ANKFN1: variants seen among roughly 807,000 people sequenced by gnomAD.
ANKFN1 encodes ankyrin repeat and fibronectin type-III domain-containing protein 1.
A neutral mutation model predicts 108.7 loss-of-function variants in ANKFN1; 74 were observed. The observed-to-expected ratio is 0.68, with a 90% confidence interval of 0.56 to 0.83. ANKFN1 has a LOEUF of 0.83. Ranked by LOEUF, ANKFN1 falls within the 40% of genes least tolerant of loss-of-function variation. The pLI, the probability that ANKFN1 is intolerant of heterozygous loss-of-function variation, is 0.00. For synonymous variants in ANKFN1, 547 were observed against 516.2 expected (o/e 1.06, Z -0.81); for missense variants, 1,505 against 1,382.3 (o/e 1.09, Z -1.41).
At position 56,511,012 on chromosome 17, in the gene ANKFN1, AG is replaced by A; in HGVS notation, c.3188del (p.Gly1063AlafsTer2). ...KRAGPALDDP[R>X]GLTLAHAASL... Reference sequence around the variant, plus strand: ...GGCCGGCCCTGCCCTTGATGATCCCAGGGGCCTAACTCTGGCCCACGCTGCC... The same window carrying A: ...GGCCGGCCCTGCCCTTGATGATCCCAGGGCCTAACTCTGGCCCACGCTGCC... On this transcript the variant is annotated frameshift_variant, in exon 21 of 21. Transcript: ENST00000682825. LOFTEE classifies it low-confidence loss of function (END_TRUNC). The A allele has an allele frequency of 6.5e-7, 1 of 1,536,018 alleles. No individual in the cohort carries two copies. Among genetic ancestry groups the A allele is most frequent in the African/African-American group, 1.4e-5 (1 of 73,174 alleles).
At chr17:56,052,221 G>T (rs910515902) in intron 4 of ANKFN1, among the ~76,000 whole-genome samples, 3 of 152,106 alleles carry the variant, frequency 2.0e-5, no homozygotes, top group African/African-American at 7.2e-5. Flanking sequence ...CCAAAACAGA[G>T]ATATAGATAA....
At chr17:56,267,198 C>T (rs2043674556) in intron 3 of ANKFN1, among the ~76,000 whole-genome samples, 3 of 152,186 alleles carry the variant, frequency 2.0e-5, no homozygotes, top group Admixed American at 2.0e-4. Context: ...CCTCCAGCTG[C>T]ATGTGTGTTG....
At chr17:56,180,466 A>G (rs1468392270) in intron 1 of ANKFN1, among the ~76,000 whole-genome samples, 5 of 152,326 alleles carry the variant, frequency 3.3e-5, no homozygotes, top group African/African-American at 4.8e-5. Context: ...TCCACATAAC[A>G]TTCAACTAAG....
chr17:56,162,610 T>G (rs991232951), intron 1 of ANKFN1, among the ~76,000 whole-genome samples: 1 of 152,208 alleles, frequency 6.6e-6, no homozygotes, highest in East Asian at 1.9e-4. Context: ...TCTGAAGTAC[T>G]GGGGTGTGGA....
At chr17:56,316,977 T>A (rs2045226348) in intron 3 of ANKFN1, among the ~76,000 whole-genome samples, 1 of 152,186 alleles carries the variant, frequency 6.6e-6, no homozygotes, top group East Asian at 1.9e-4. Flanking sequence ...ACATTCCTGA[T>A]AAATAACACA....
chr17:56,109,962 C>T (rs1905866072), intron 4 of ANKFN1, among the ~76,000 whole-genome samples: 1 of 152,232 alleles, frequency 6.6e-6, no homozygotes, highest in Non-Finnish European at 1.5e-5. Flanking sequence ...ACAGCTCCTT[C>T]ATAGGGACAT....
At chr17:56,270,154 T>C (rs189759497) in intron 3 of ANKFN1, among the ~76,000 whole-genome samples, 110 of 152,242 alleles carry the variant, frequency 7.2e-4, no homozygotes, top group African/African-American at 2.6e-3. Flanking sequence ...GCAGGGCACT[T>C]AAAGAGCCTA....
At chr17:56,369,267 T>C (rs1471239832) in intron 6 of ANKFN1, among the ~76,000 whole-genome samples, 2 of 152,134 alleles carry the variant, frequency 1.3e-5, no homozygotes, top group Non-Finnish European at 2.9e-5. Context: ...TTCTGCAACA[T>C]CTTAAGATCC....
chr17:56,408,180 C>A (rs2047979205), intron 8 of ANKFN1, among the ~76,000 whole-genome samples: 1 of 152,024 alleles, frequency 6.6e-6, no homozygotes, highest in Admixed American at 6.6e-5. Flanking sequence ...GGGGATCTGC[C>A]CACCTCGGCC....
chr17:56,233,684 G>A (rs1005509381), intron 3 of ANKFN1, among the ~76,000 whole-genome samples: 1 of 151,786 alleles, frequency 6.6e-6, no homozygotes, highest in Non-Finnish European at 1.5e-5. Flanking sequence ...CTTCCAGGTG[G>A]CATGTGAAAA....
At chr17:56,346,955 G>A (rs778368408) in intron 4 of ANKFN1, among the ~76,000 whole-genome samples, 25 of 151,656 alleles carry the variant, frequency 1.6e-4, no homozygotes, top group Non-Finnish European at 3.1e-4. Context: ...CTGTGACTTT[G>A]GGCACCTTAT....
chr17:56,165,629 G>T (rs1191583530), intron 1 of ANKFN1, among the ~76,000 whole-genome samples: 2 of 152,032 alleles, frequency 1.3e-5, no homozygotes, highest in East Asian at 3.9e-4. Flanking sequence ...TAGACCAAAC[G>T]TTCAGATGTT....
intron 3 of ANKFN1, among the ~76,000 whole-genome samples, chr17:56,306,244 G>A (rs1037655476): frequency 1.3e-5 from 2 of 152,152 alleles, no homozygotes; most frequent in Non-Finnish European, 2.9e-5. Flanking sequence ...GCTAACTTGG[G>A]GAGAATGGAC....
intron 15 of ANKFN1, among the ~76,000 whole-genome samples, chr17:56,468,935 A>C (rs1425939503): frequency 6.6e-6 from 1 of 152,140 alleles, no homozygotes; most frequent in Non-Finnish European, 1.5e-5. Context: ...TAATAAATTG[A>C]GCTTTTACAG....
At chr17:56,399,919 A>G (rs1231037408) in intron 8 of ANKFN1, among the ~76,000 whole-genome samples, 1 of 145,916 alleles carries the variant, frequency 6.9e-6, no homozygotes, top group Non-Finnish European at 1.5e-5. Context: ...TATATATATT[A>G]TATATAGTGA....
Position 56,425,639 on chromosome 17 carries a change from G to A in ANKFN1, c.911-14688G>A, listed in dbSNP as rs138059547. On this transcript the variant is annotated intron_variant, in intron 8 of 20. Coordinates refer to ENST00000682825, the MANE Select transcript of ANKFN1 (RefSeq NM_001370326.1). ...AATTCCCCGACCACACCATGACTCC[G>A]TGCCTTTGCACACACAGCAACCTCT... Among the ~76,000 whole-genome samples the A allele has an allele frequency of 1.1e-3, 164 of 152,012 alleles. 4 individuals are homozygous for A. The highest frequency in any genetic ancestry group is 9.9e-3 in the East Asian group (51 of 5,166).
chr17:56,510,864 C>G lies in ANKFN1; in HGVS notation c.3036C>G (p.Ser1012Arg). Residue 1012 changes from serine (S) to arginine (R), a missense_variant, in exon 21 of 21, where the codon AGC becomes AGG. By Grantham distance (110) the Ser-to-Arg change is moderately radical. Transcript: ENST00000682825. ...AGCACCCCCACTATGGCGGCTTCAGCCGCCATCATCGCTGGTTGCGCATCC... is the reference window on the plus strand; with the variant it reads ...AGCACCCCCACTATGGCGGCTTCAGGCGCCATCATCGCTGGTTGCGCATCC... ...PGKHPHYGGF[S>R]RHHRWLRIHS... is the part of the protein sequence containing the mutation. 2 of 1,536,098 alleles carry G rather than the reference C, an allele frequency of 1.3e-6. No individual in the cohort carries two copies. Among genetic ancestry groups the G allele is most frequent in the Non-Finnish European group, 1.7e-6 (2 of 1,146,916 alleles).
At chr17:56,105,620 G>C (rs1377909929) in intron 4 of ANKFN1, among the ~76,000 whole-genome samples, 1 of 146,146 alleles carries the variant, frequency 6.8e-6, no homozygotes, top group Middle Eastern at 3.2e-3. Flanking sequence ...CTTCCTCTCT[G>C]TCTGTCATTT....
chr17:56,317,374 G>A (rs1473110177), intron 3 of ANKFN1, among the ~76,000 whole-genome samples: 1 of 152,154 alleles, frequency 6.6e-6, no homozygotes, highest in Non-Finnish European at 1.5e-5. Flanking sequence ...TGACTCATAG[G>A]AAAGGTGTAA....
Sources: gnomAD v4.1 joint callset for allele counts (sites outside exome capture counted in the v4.1 genomes callset) on GRCh38, gnomAD v4.1.1 for gene constraint, MANE v1.5 for transcripts, NCBI Gene and HGNC (gene_info 2026-07-23, HGNC 2026-07-21) for gene names.